UGT1A8: variants seen among roughly 807,000 people sequenced by gnomAD.
UGT1A8 encodes the protein UDP glucuronosyltransferase family 1 member A8, also known as UDP-glucuronosyltransferase 1A8.
UGT1A8 carries 39 observed loss-of-function variants against 45.3 expected under a neutral mutation model. The ratio of observed to expected loss-of-function variants is 0.86; its 90% CI spans 0.67 to 1.12. The LOEUF (loss-of-function observed/expected upper bound fraction) is 1.12. Ranked by LOEUF, UGT1A8 falls within the 50% of genes most tolerant of loss-of-function variation. The pLI is 0.00. For missense variants in UGT1A8, 719 were observed against 664.9 expected (o/e 1.08, Z -0.90); for synonymous variants, 275 against 249.2 (o/e 1.10, Z -0.97).
At chr2:233,725,264 GGAGGCAGAGGCAGAGGCA>G (rs551912265) in intron 1 of UGT1A8, among the ~76,000 whole-genome samples, 25,828 of 58,216 alleles carry the variant, frequency 0.44, 8,681 homozygotes, top group East Asian at 0.63. Context: ...CAGAGGCAGA[GGAGGCAGAGGCAGAGGCA>G]GAGGCAGAGG....
intron 1 of UGT1A8, chr2:233,743,566 G>A (rs532152836): frequency 7.3e-7 from 1 of 1,367,298 alleles, no homozygotes; most frequent in African/African-American, 1.5e-5. Context: ...TCTCCAGCGG[G>A]TTTCCCAAGA....
chr2:233,765,728 A>C (rs1698929525), intron 1 of UGT1A8, among the ~76,000 whole-genome samples: 1 of 151,098 alleles, frequency 6.6e-6, no homozygotes, highest in Admixed American at 6.6e-5. Flanking sequence ...TAATAATAAT[A>C]ATAAATAAAC....
At chr2:233,729,087 G>A (rs1254975365) in intron 1 of UGT1A8, 3 of 1,612,408 alleles carry the variant, frequency 1.9e-6, no homozygotes, top group African/African-American at 1.3e-5. Context: ...AGCAGGCACA[G>A]CGTGGGGTGG....
chr2:233,629,304 C>T (rs527794737), intron 1 of UGT1A8, among the ~76,000 whole-genome samples: 1 of 152,230 alleles, frequency 6.6e-6, no homozygotes, highest in East Asian at 1.9e-4. Context: ...TTCTTCCTTT[C>T]TAAGGGTGAA....
intron 1 of UGT1A8, chr2:233,671,762 A>G: frequency 3.1e-6 from 4 of 1,305,574 alleles, no homozygotes; most frequent in Non-Finnish European, 3.0e-6. Flanking sequence ...AGCAAAAGCT[A>G]CTCATATATT....
At chr2:233,620,532 A>G (rs1039199180) in intron 1 of UGT1A8, among the ~76,000 whole-genome samples, 1 of 152,220 alleles carries the variant, frequency 6.6e-6, no homozygotes, top group Admixed American at 6.5e-5. Flanking sequence ...AAAAGGAAAC[A>G]TTAAACTCTA....
intron 1 of UGT1A8, among the ~76,000 whole-genome samples, chr2:233,622,805 C>A (rs958380142): frequency 2.6e-5 from 4 of 152,122 alleles, no homozygotes; most frequent in African/African-American, 9.7e-5. Context: ...TTTGCCCATG[C>A]CTATGTCCTG....
intron 1 of UGT1A8, among the ~76,000 whole-genome samples, chr2:233,715,544 G>A (rs1354497871): frequency 6.6e-6 from 1 of 152,116 alleles, no homozygotes; most frequent in Non-Finnish European, 1.5e-5. Flanking sequence ...GACCGAGGGA[G>A]GAGGATTGCT....
At chr2:233,621,052 A>C (rs1235217787) in intron 1 of UGT1A8, among the ~76,000 whole-genome samples, 2 of 152,132 alleles carry the variant, frequency 1.3e-5, no homozygotes, top group African/African-American at 2.4e-5. Flanking sequence ...CTGTAACAAA[A>C]TCTCCTTGAG....
At position 233,772,425 on chromosome 2, in the gene UGT1A8, G is replaced by A; in HGVS notation, c.1459G>A (p.Asp487Asn). The change falls in exon 5 of 5, where the codon GAC (aspartate) becomes AAC (asparagine). Residue 487 changes from aspartate (D) to asparagine (N), a missense_variant. By Grantham distance (23) the Asp-to-Asn change is conservative (BLOSUM62 1). Transcript: ENST00000373450. Reference protein sequence around the residue: ...DLTWYQYHSLDVIGFLLAVVL... With the variant: ...DLTWYQYHSLNVIGFLLAVVL... ...CACCTGGTACCAGTACCATTCCTTG[G>A]ACGTGATTGGTTTCCTCTTGGCCGT... 1.2e-6 allele frequency: 2 copies of A among 1,614,224 alleles called. No individual in the cohort carries two copies. Among genetic ancestry groups the A allele is most frequent in the Non-Finnish European group, 1.7e-6 (2 of 1,180,044 alleles).
At chr2:233,621,545 C>T (rs2073007391) in intron 1 of UGT1A8, among the ~76,000 whole-genome samples, 1 of 152,134 alleles carries the variant, frequency 6.6e-6, no homozygotes, top group Non-Finnish European at 1.5e-5. Flanking sequence ...TAAGGCCTCC[C>T]ACTAAAATTG....
intron 1 of UGT1A8, chr2:233,743,737 C>T: frequency 7.3e-7 from 1 of 1,367,416 alleles, no homozygotes. Flanking sequence ...TATCGCGTTT[C>T]TTGGCGTCCG....
chr2:233,764,151 G>A (rs1391990112), intron 1 of UGT1A8, among the ~76,000 whole-genome samples: 1 of 152,184 alleles, frequency 6.6e-6, no homozygotes. Flanking sequence ...CATTTTGGCT[G>A]GTGAAGTCTC....
rs144956531 is a variant in UGT1A8, at chr2:233,704,021, G to A, written c.856-63013G>A. Among the ~76,000 whole-genome samples the A allele has an allele frequency of 2.1e-3, 322 of 152,060 alleles. 1 individual carries two copies. The highest frequency in any genetic ancestry group is 7.3e-3 in the African/African-American group (305 of 41,502). ...TTCTCCCACCTCAGCCGCCCGAGCA[G>A]CTGGAACTACAGGTGTGCACCAACA... is the stretch of plus-strand genomic sequence containing the variant. On this transcript the variant is annotated intron_variant, in intron 1 of 4. Transcript: ENST00000373450.
intron 1 of UGT1A8, among the ~76,000 whole-genome samples, chr2:233,704,562 T>C (rs1206655848): frequency 6.6e-6 from 1 of 152,186 alleles, no homozygotes; most frequent in Admixed American, 6.5e-5. Flanking sequence ...TTTATATAAA[T>C]ACACATGCTT....
Position 233,772,777 on chromosome 2 carries a change from T to C in UGT1A8, c.*218T>C. The stretch of plus-strand genomic sequence containing the variant: ...TATGTATCGTGCCCCCTCTGGTGTC[T>C]TTGATCAGGATGACATGTGCCATTT... On this transcript the variant is annotated 3_prime_UTR_variant, in exon 5 of 5. Coordinates refer to ENST00000373450, the MANE Select transcript of UGT1A8 (RefSeq NM_019076.5). 8.4e-6 allele frequency: 11 copies of C among 1,302,124 alleles called. No individual in the cohort carries two copies. The highest frequency in any genetic ancestry group is 1.1e-5 in the Non-Finnish European group (11 of 988,102). 80.7% of individuals were successfully genotyped at this position (1,302,124 alleles called of 1,614,324 possible). A position where few individuals can be genotyped will look rare whatever the true frequency, so the allele number is the denominator to read the frequency against.
chr2:233,716,735 C>T (rs1224008682), intron 1 of UGT1A8, among the ~76,000 whole-genome samples: 3 of 152,158 alleles, frequency 2.0e-5, no homozygotes, highest in Non-Finnish European at 1.5e-5. Flanking sequence ...ATGTTTAGCT[C>T]TGTGAGATTG....
chr2:233,655,701 TC>T (rs1419323508), intron 1 of UGT1A8, among the ~76,000 whole-genome samples: 2 of 152,220 alleles, frequency 1.3e-5, no homozygotes, highest in Non-Finnish European at 2.9e-5. Context: ...AGGACGCCTC[TC>T]TGGCCTCAGG....
At chr2:233,734,262 T>A (rs1260850291) in intron 1 of UGT1A8, among the ~76,000 whole-genome samples, 1 of 152,214 alleles carries the variant, frequency 6.6e-6, no homozygotes, top group Admixed American at 6.5e-5. Flanking sequence ...GGAGGGTGTA[T>A]GTGTCCAGGA....
Sources: gnomAD v4.1 joint callset for allele counts (sites outside exome capture counted in the v4.1 genomes callset) on GRCh38, gnomAD v4.1.1 for gene constraint, MANE v1.5 for transcripts, NCBI Gene and HGNC (gene_info 2026-07-23, HGNC 2026-07-21) for gene names.